Variants in NDUFS6 observed in about 807,000 individuals in gnomAD.
NDUFS6 encodes NADH:ubiquinone oxidoreductase subunit S6.
NDUFS6 carries 14 observed loss-of-function variants against 13.2 expected under a neutral mutation model. The ratio of observed to expected loss-of-function variants is 1.06; its 90% CI spans 0.70 to 1.66. The LOEUF (loss-of-function observed/expected upper bound fraction) is 1.66. Among genes scored for constraint, NDUFS6 ranks in the 40% most tolerant of loss-of-function variants. The pLI is 0.00. For missense variants in NDUFS6, 206 were observed against 170.8 expected (o/e 1.21, Z -1.15); for synonymous variants, 95 against 72.3 (o/e 1.31, Z -1.60).
chr5:1,813,588 C>T (rs1378544500), intron 2 of NDUFS6, among the ~76,000 whole-genome samples: 3 of 152,164 alleles, frequency 2.0e-5, no homozygotes, highest in Non-Finnish European at 4.4e-5. Flanking sequence ...TTCACCCCAT[C>T]GCGGTATTAT....
At chr5:1,802,030 A>T (rs1210125726) in intron 1 of NDUFS6, 2 of 463,208 alleles carry the variant, frequency 4.3e-6, no homozygotes. Context: ...GCCATATGCC[A>T]AAGAAGGTTG....
intron 2 of NDUFS6, among the ~76,000 whole-genome samples, chr5:1,808,766 A>G (rs1734166710): frequency 6.6e-6 from 1 of 152,240 alleles, no homozygotes; most frequent in Admixed American, 6.5e-5. Flanking sequence ...TAGTTTAAAA[A>G]TTAATTTGAA....
At chr5:1,801,691 C>G (rs1279094162) in intron 1 of NDUFS6, 142 bp downstream of exon 1, 7 of 1,293,530 alleles carry the variant, frequency 5.4e-6, no homozygotes, top group African/African-American at 3.0e-5. Context: ...GCTCACGCGC[C>G]GGGGAGGACG....
At chr5:1,812,353 T>A (rs1734230951) in intron 2 of NDUFS6, among the ~76,000 whole-genome samples, 1 of 151,794 alleles carries the variant, frequency 6.6e-6, no homozygotes, top group Non-Finnish European at 1.5e-5. Context: ...AGAGGAACTT[T>A]GGGGGAGCAC....
At position 1,806,312 on chromosome 5, in the gene NDUFS6, C is replaced by T. The variant is rs543309833; in HGVS notation, c.186+3938C>T. 4.6e-5 allele frequency among the ~76,000 whole-genome samples: 7 copies of T among 152,114 alleles called. No individual in the cohort carries two copies. In the East Asian group the frequency reaches 5.8e-4, roughly 13 times the overall value. Reference sequence around the variant, plus strand: ...GGGATGGATTCTCTCCTCAGATGCTCGGCAGGGCGGAGTCACTCCCTGACC... The same window carrying T: ...GGGATGGATTCTCTCCTCAGATGCTTGGCAGGGCGGAGTCACTCCCTGACC... On this transcript the variant is annotated intron_variant, in intron 2 of 3. Coordinates refer to ENST00000274137, the MANE Select transcript of NDUFS6 (RefSeq NM_004553.6).
rs1321973701 is a variant in NDUFS6, at chr5:1,801,568, A to G, written c.132+19A>G. 2 of 1,567,880 alleles carry G rather than the reference A, an allele frequency of 1.3e-6. No homozygotes were observed. Among genetic ancestry groups the G allele is most frequent in the Admixed American group, 1.8e-5 (1 of 55,512 alleles). ...TGGCCAGGTAACGGCCGCTGGGTAC[A>G]GGATGCACCTTCCTCCAGCCGCACC... On this transcript the variant is annotated intron_variant, in intron 1 of 3. Transcript: ENST00000274137.
rs970663202 is a variant in NDUFS6, at chr5:1,815,938, C to T, written c.*22C>T. The T allele has an allele frequency of 2.5e-6, 4 of 1,613,858 alleles. No homozygotes were observed. The East Asian group carries it at 6.7e-5, about 27-fold the overall frequency. On this transcript the variant is annotated 3_prime_UTR_variant, in exon 4 of 4. Transcript: ENST00000274137. ...CTAGAGCGTGTGGCACGCCGGGGGT[C>T]CCGCAGCATCCTGTGAGCATTTCCG...
Position 1,801,434 on chromosome 5 carries a change from C to T in NDUFS6, c.17C>T (p.Thr6Ile), listed in dbSNP as rs754131778. Residue 6 changes from threonine (T) to isoleucine (I), a missense_variant, in exon 1 of 4, where the codon ACC (threonine) becomes ATC (isoleucine). Coordinates refer to ENST00000274137, the MANE Select transcript of NDUFS6 (RefSeq NM_004553.6). Reference sequence around the variant, plus strand: ...CGGCGCAAAATGGCGGCGGCGATGACCTTCTGCCGGCTGCTGAACCGGTGT... The same window carrying T: ...CGGCGCAAAATGGCGGCGGCGATGATCTTCTGCCGGCTGCTGAACCGGTGT... MAAAM[T>I]FCRLLNRCGE... 37 of 1,605,112 alleles carry T rather than the reference C, an allele frequency of 2.3e-5. No individual in the cohort carries two copies. The highest frequency in any genetic ancestry group is 3.3e-4 in the Middle Eastern group (2 of 6,026).
chr5:1,807,361 G>A (rs11959171), intron 2 of NDUFS6, among the ~76,000 whole-genome samples: 75,080 of 151,996 alleles, frequency 0.49, 21,772 homozygotes, highest in Middle Eastern at 0.66. Flanking sequence ...GATGGGTGGT[G>A]GTGATGGTTG....
intron 2 of NDUFS6, among the ~76,000 whole-genome samples, chr5:1,803,070 A>T (rs1734074772): frequency 6.6e-6 from 1 of 152,056 alleles, no homozygotes; most frequent in Non-Finnish European, 1.5e-5. Flanking sequence ...TCTTTTTCCC[A>T]CTTTGGTTAG....
intron 2 of NDUFS6, among the ~76,000 whole-genome samples, chr5:1,808,816 C>T (rs898762444): frequency 1.3e-5 from 2 of 152,194 alleles, no homozygotes; most frequent in African/African-American, 4.8e-5. Context: ...GAATTATATA[C>T]TTATATAGAC....
At chr5:1,805,143 C>A (rs1734104195) in intron 2 of NDUFS6, among the ~76,000 whole-genome samples, 1 of 152,128 alleles carries the variant, frequency 6.6e-6, no homozygotes, top group African/African-American at 2.4e-5. Context: ...CCAGCCTGGG[C>A]AATATGGTGA....
At position 1,814,236 on chromosome 5, in the gene NDUFS6, T is replaced by G; in HGVS notation, c.187-103T>G. Reference sequence around the variant, plus strand: ...TAATAGTTAAATGAAGCATGCACCATAGATTCGTGCTGATGGTACATGAAT... The same window carrying G: ...TAATAGTTAAATGAAGCATGCACCAGAGATTCGTGCTGATGGTACATGAAT... On this transcript the variant is annotated intron_variant, in intron 2 of 3. Transcript: ENST00000274137. The surrounding 1 kb of genome is among the most constrained non-coding windows in gnomAD (Gnocchi z 4.9). The G allele has an allele frequency of 6.7e-7, 1 of 1,491,278 alleles. No homozygotes were observed. Among genetic ancestry groups the G allele is most frequent in the Non-Finnish European group, 9.3e-7 (1 of 1,071,292 alleles). The allele number at this position is 1,491,278 out of a possible 1,614,324, so 92.4% of individuals were successfully genotyped here. A position where few individuals can be genotyped will look rare whatever the true frequency, so the allele number is the denominator to read the frequency against.
Position 1,814,486 on chromosome 5 carries a change from A to G in NDUFS6, c.309+25A>G, listed in dbSNP as rs751909709. 2.1e-5 allele frequency: 34 copies of G among 1,613,988 alleles called. No individual in the cohort carries two copies. The highest frequency in any genetic ancestry group is 4.0e-5 in the African/African-American group (3 of 74,910). On this transcript the variant is annotated intron_variant, in intron 3 of 3. Transcript: ENST00000274137. The surrounding 1 kb of genome is among the most constrained non-coding windows in gnomAD (Gnocchi z 4.9). Reference sequence around the variant, plus strand: ...GGTGCGTAGCTGGCCACCTGTGCACATGTTAGGGCAGCCTGCTCGTCCTCA... The same window carrying G: ...GGTGCGTAGCTGGCCACCTGTGCACGTGTTAGGGCAGCCTGCTCGTCCTCA...
chr5:1,811,947 G>A (rs1419317738), intron 2 of NDUFS6, among the ~76,000 whole-genome samples: 3 of 152,192 alleles, frequency 2.0e-5, no homozygotes. Flanking sequence ...AAACCTTGGT[G>A]CTGAGGTAAA....
intron 2 of NDUFS6, among the ~76,000 whole-genome samples, chr5:1,808,202 CT>C (rs1324392145): frequency 6.6e-6 from 1 of 152,194 alleles, no homozygotes; most frequent in Non-Finnish European, 1.5e-5. Flanking sequence ...TCTCTCTTGT[CT>C]TGAAGCAACC....
chr5:1,803,346 T>G (rs1734078824), intron 2 of NDUFS6, among the ~76,000 whole-genome samples: 1 of 152,220 alleles, frequency 6.6e-6, no homozygotes, highest in African/African-American at 2.4e-5. Context: ...GCAATGCCAC[T>G]TGAGTGTTGG....
intron 2 of NDUFS6, among the ~76,000 whole-genome samples, chr5:1,812,783 T>G (rs1225055515): frequency 6.6e-6 from 1 of 151,468 alleles, no homozygotes; most frequent in Non-Finnish European, 1.5e-5. Context: ...CCAGGCTCAG[T>G]GGCTCATGTC....
At chr5:1,811,495 T>C (rs1033945691) in intron 2 of NDUFS6, among the ~76,000 whole-genome samples, 1 of 152,268 alleles carries the variant, frequency 6.6e-6, no homozygotes, top group Non-Finnish European at 1.5e-5. Flanking sequence ...AATGTTACAG[T>C]GTGACTCCGA....
Sources: allele counts gnomAD v4.1 joint callset (sites outside exome capture counted in the v4.1 genomes callset), GRCh38; gene constraint gnomAD v4.1.1; non-coding constraint Gnocchi (gnomAD v3.1); transcripts MANE v1.5; gene names NCBI Gene and HGNC (gene_info 2026-07-23, HGNC 2026-07-21).